Variants in SVOP observed in about 807,000 individuals in gnomAD.
SVOP encodes SV2 related protein.
A neutral mutation model predicts 69.1 loss-of-function variants in SVOP; 17 were observed. The observed-to-expected ratio is 0.25, with a 90% CI of 0.17 to 0.37. The LOEUF is 0.37. Among genes scored for constraint, SVOP ranks in the 10% least tolerant of loss-of-function variants. SVOP has a pLI of 1.00. For missense variants in SVOP, 435 were observed against 597.5 expected (o/e 0.73, Z 2.84); for synonymous variants, 238 against 238.6 (o/e 1.00, Z 0.02).
At chr12:108,959,351 C>CTT (rs36192896) in intron 6 of SVOP, among the ~76,000 whole-genome samples, 51 of 106,680 alleles carry the variant, frequency 4.8e-4, no homozygotes, top group African/African-American at 1.3e-3. Context: ...GCTTTTAATT[C>CTT]TTTTTTTTTT....
At position 108,954,190 on chromosome 12, in the gene SVOP, A is replaced by AC. The variant is rs1455698453; in HGVS notation, c.578+6732dup. ...GTTTGGAGGGTCAAGTGATGTTTAG[A>AC]CATCAGCTCTGCCATTTACTAGCTA... On this transcript the variant is annotated intron_variant, in intron 6 of 15. Coordinates refer to ENST00000610966, the MANE Select transcript of SVOP (RefSeq NM_018711.5). Among the ~76,000 whole-genome samples the AC allele has an allele frequency of 5.3e-5, 8 of 151,756 alleles. No individual in the cohort carries two copies. The South Asian group carries it at 6.3e-4, about 12-fold the overall frequency.
At chr12:108,949,184 T>C (rs2137413272) in intron 6 of SVOP, among the ~76,000 whole-genome samples, 1 of 152,292 alleles carries the variant, frequency 6.6e-6, no homozygotes, top group African/African-American at 2.4e-5. Context: ...GCAGAGTATA[T>C]GATGATTCTT....
In SVOP at chr12:108,972,491, A is replaced by G; in HGVS notation, c.382-15T>C. ...ACAAAGACCACCTGTGGGGGGAAAG[A>G]CAGTTGTCATTAGACAGAGGATGTG... is the stretch of plus-strand genomic sequence containing the variant. On this transcript the variant is annotated splice_polypyrimidine_tract_variant and intron_variant, in intron 4 of 15. Coordinates refer to ENST00000610966, the MANE Select transcript of SVOP (RefSeq NM_018711.5). The G allele has an allele frequency of 6.5e-7, 1 of 1,537,126 alleles. No homozygotes were observed. Among genetic ancestry groups the G allele is most frequent in the Non-Finnish European group, 8.7e-7 (1 of 1,146,774 alleles).
At chr12:108,948,088 C>T (rs148206691) in intron 6 of SVOP, among the ~76,000 whole-genome samples, 3,078 of 152,088 alleles carry the variant, frequency 0.02, 121 homozygotes, top group African/African-American at 0.07. Context: ...CTGGCATGTA[C>T]GTGTATAAAA....
At chr12:108,941,178 T>C (rs2039889368) in intron 7 of SVOP, among the ~76,000 whole-genome samples, 1 of 152,180 alleles carries the variant, frequency 6.6e-6, no homozygotes, top group African/African-American at 2.4e-5. Context: ...AGGAGATCAA[T>C]GTGACCAATA....
chr12:108,940,265 G>A (rs1003197831), intron 8 of SVOP, among the ~76,000 whole-genome samples: 9 of 152,112 alleles, frequency 5.9e-5, no homozygotes, highest in Non-Finnish European at 1.2e-4. Flanking sequence ...TTATTTTAGT[G>A]CCTACTGGCT....
At chr12:108,924,588 A>C (rs2039769109) in intron 11 of SVOP, among the ~76,000 whole-genome samples, 1 of 152,214 alleles carries the variant, frequency 6.6e-6, no homozygotes, top group South Asian at 2.1e-4. Context: ...ACCCTGTCTC[A>C]GGAGGCTTCT....
intron 10 of SVOP, among the ~76,000 whole-genome samples, chr12:108,936,574 C>A (rs2039857361): frequency 6.6e-6 from 1 of 152,166 alleles, no homozygotes; most frequent in South Asian, 2.1e-4. Flanking sequence ...CTCCTGGGCT[C>A]AAGTGATCCT....
At chr12:108,971,096 TA>T (rs1220235266) in intron 5 of SVOP, among the ~76,000 whole-genome samples, 1 of 152,084 alleles carries the variant, frequency 6.6e-6, no homozygotes, top group African/African-American at 2.4e-5. Flanking sequence ...CAGGTTCTGT[TA>T]TTTTCTTCTT....
chr12:108,922,388 A>G (rs992421121), intron 12 of SVOP, among the ~76,000 whole-genome samples: 2 of 152,158 alleles, frequency 1.3e-5, no homozygotes, highest in African/African-American at 4.8e-5. Context: ...GGCAAGGGAA[A>G]CAGTCACCAA....
chr12:108,918,154 AT>A (rs1321983828), intron 13 of SVOP, 30 bp from the exon 14 acceptor site: 4 of 1,525,278 alleles, frequency 2.6e-6, no homozygotes, highest in South Asian at 1.2e-5. Flanking sequence ...AGATGATGGC[AT>A]TTTTTTCTGT....
chr12:108,960,121 A>G (rs2040009396), intron 6 of SVOP, among the ~76,000 whole-genome samples: 1 of 152,194 alleles, frequency 6.6e-6, no homozygotes, highest in Non-Finnish European at 1.5e-5. Context: ...CATTTTCTAT[A>G]ATGGGCCACA....
chr12:108,922,824 G>A (rs1355478028), intron 11 of SVOP, 27 bp from the exon 12 acceptor site: 4 of 1,514,174 alleles, frequency 2.6e-6, no homozygotes, highest in Middle Eastern at 1.7e-4. Context: ...GAAAGAGAGG[G>A]GGAGACATAT....
intron 1 of SVOP, among the ~76,000 whole-genome samples, chr12:109,011,169 C>G (rs146860858): frequency 1.4e-4 from 22 of 151,848 alleles, no homozygotes; most frequent in African/African-American, 5.1e-4. Context: ...CCCACATTGG[C>G]CCCCACCAAA....
chr12:108,983,824 A>G (rs1261767625), intron 1 of SVOP, 63 bp from the exon 2 acceptor site: 5 of 398,636 alleles, frequency 1.3e-5, no homozygotes, highest in Non-Finnish European at 2.2e-5. Flanking sequence ...CTTGCTGCAC[A>G]GCTCTAGTGA....
chr12:108,919,747 C>T lies in SVOP; in HGVS notation c.1196G>A (p.Arg399His), dbSNP rs773116090. ...AAAGCACAGGGCCATGGTCTTCTTG[C>T]GCCCCAGGCGGTCAATAATCCACAG... ...VTLWIIDRLG[R>H]KKTMALCFVI... Residue 399 changes from arginine (R) to histidine (H), a missense_variant, in exon 13 of 16, where the codon CGC becomes CAC. Transcript: ENST00000610966. 32 of 1,604,408 alleles carry T rather than the reference C, an allele frequency of 2.0e-5. No individual in the cohort carries two copies. Among genetic ancestry groups the T allele is most frequent in the African/African-American group, 2.7e-5 (2 of 74,726 alleles).
intron 1 of SVOP, among the ~76,000 whole-genome samples, chr12:108,997,213 A>C (rs2040238932): frequency 6.6e-6 from 1 of 152,158 alleles, no homozygotes; most frequent in Non-Finnish European, 1.5e-5. Flanking sequence ...CGCACCTGGA[A>C]AATCGGGTCA....
At chr12:108,987,900 G>C (rs2040174766) in intron 1 of SVOP, among the ~76,000 whole-genome samples, 1 of 143,028 alleles carries the variant, frequency 7.0e-6, no homozygotes, top group Non-Finnish European at 1.5e-5. Flanking sequence ...TCTATTGATT[G>C]TGATCGTTGA....
chr12:109,004,288 G>GCTAT (rs1405827621), intron 1 of SVOP, among the ~76,000 whole-genome samples: 1 of 151,932 alleles, frequency 6.6e-6, no homozygotes, highest in African/African-American at 2.4e-5. Context: ...ACATAATTTT[G>GCTAT]CTATTTAAGG....
Sources: gnomAD v4.1 joint callset for allele counts (sites outside exome capture counted in the v4.1 genomes callset) on GRCh38, gnomAD v4.1.1 for gene constraint, MANE v1.5 for transcripts, NCBI Gene and HGNC (gene_info 2026-07-23, HGNC 2026-07-21) for gene names.